The following FAM91A1 variants were observed in gnomAD, a reference collection of about 807,000 sequenced individuals.
The protein encoded by FAM91A1 is family with sequence similarity 91 member A1.
A neutral mutation model predicts 113.5 loss-of-function variants in FAM91A1; 41 were observed. The observed-to-expected ratio is 0.36, with a 90% CI of 0.28 to 0.47. The LOEUF is 0.47. Ranked by LOEUF, FAM91A1 falls within the 20% of genes least tolerant of loss-of-function variation. The pLI is 1.00. For synonymous variants in FAM91A1, 307 were observed against 347.9 expected, an observed-to-expected ratio of 0.88 and a Z score of 1.31; for missense variants, 696 against 1,001.2, an observed-to-expected ratio of 0.70 and a Z score of 4.11.
intron 12 of FAM91A1, among the ~76,000 whole-genome samples, chr8:123,786,931 G>A (rs772593146): frequency 1.3e-5 from 2 of 152,146 alleles, no homozygotes; most frequent in Non-Finnish European, 2.9e-5. Flanking sequence ...GGTTTGGGAA[G>A]CCTTCACAGA....
At chr8:123,809,321 A>T in intron 22 of FAM91A1, among the ~76,000 whole-genome samples, 1 of 152,304 alleles carries the variant, frequency 6.6e-6, no homozygotes, top group Non-Finnish European at 1.5e-5. Flanking sequence ...CCTAGATTTT[A>T]AAAAATGTAT....
At chr8:123,810,252 T>A in intron 22 of FAM91A1, 30 bp from the exon 23 acceptor site, 1 of 1,587,264 alleles carries the variant, frequency 6.3e-7, no homozygotes, top group South Asian at 1.2e-5. Flanking sequence ...ATGTTTGTTT[T>A]AAACTGTTTC....
At chr8:123,777,377 C>T in intron 4 of FAM91A1, 55 bp downstream of exon 4, 1 of 1,468,698 alleles carries the variant, frequency 6.8e-7, no homozygotes, top group Non-Finnish European at 9.4e-7. Flanking sequence ...CTTTGTGCAT[C>T]CTGTCATCTG....
intron 5 of FAM91A1, among the ~76,000 whole-genome samples, chr8:123,778,393 A>G (rs1815038669): frequency 6.6e-6 from 1 of 152,152 alleles, no homozygotes. Flanking sequence ...TTTCAAATGC[A>G]TTTTTCACTG....
At chr8:123,774,828 C>G (rs893076248) in intron 2 of FAM91A1, among the ~76,000 whole-genome samples, 1 of 152,134 alleles carries the variant, frequency 6.6e-6, no homozygotes, top group Non-Finnish European at 1.5e-5. Flanking sequence ...CAGTTTGGCT[C>G]TCTTGTAAGG....
At position 123,780,070 on chromosome 8, in the gene FAM91A1, T is replaced by C. The variant is rs748549871; in HGVS notation, c.635T>C (p.Val212Ala). ...TCTGGATCACTAGATTACAATGTAG[T>C]ACATAGTAAGTGGTTAGTAGAAATG... ...QLSGSLDYNV[V>A]HSLYNKGFIY... Residue 212 changes from valine (V) to alanine (A), a missense_variant, in exon 7 of 24, where the codon GTA (valine) becomes GCA (alanine). Val to Ala is a moderately conservative substitution (Grantham distance 64). Transcript: ENST00000334705. The C allele has an allele frequency of 1.2e-6, 2 of 1,611,918 alleles. No homozygotes were observed. The highest frequency in any genetic ancestry group is 1.7e-6 in the Non-Finnish European group (2 of 1,178,844).
At chr8:123,805,363 G>A in intron 19 of FAM91A1, 24 bp downstream of exon 19, 2 of 1,505,264 alleles carry the variant, frequency 1.3e-6, no homozygotes, top group Non-Finnish European at 9.0e-7. Context: ...TGTATCTATT[G>A]ACTTTTTTTT....
chr8:123,796,816 C>T (rs1037963893), intron 15 of FAM91A1, among the ~76,000 whole-genome samples: 12 of 150,320 alleles, frequency 8.0e-5, no homozygotes, highest in East Asian at 6.1e-4. Flanking sequence ...GTAATCCCAA[C>T]GCTTTGGGAG....
chr8:123,775,027 T>G (rs1814947024), intron 2 of FAM91A1, 120 bp from the exon 3 acceptor site: 10 of 958,188 alleles, frequency 1.0e-5, no homozygotes, highest in Non-Finnish European at 1.5e-5. Flanking sequence ...ATATTTTATT[T>G]GTTCTCTTGT....
intron 15 of FAM91A1, among the ~76,000 whole-genome samples, chr8:123,796,375 C>T (rs1815520424): frequency 6.6e-6 from 1 of 151,950 alleles, no homozygotes; most frequent in Admixed American, 6.5e-5. Flanking sequence ...AGATGTTGTA[C>T]CTGACTTCAC....
chr8:123,797,279 A>G (rs1456613507), intron 15 of FAM91A1, among the ~76,000 whole-genome samples: 1 of 152,174 alleles, frequency 6.6e-6, no homozygotes, highest in Non-Finnish European at 1.5e-5. Flanking sequence ...TGATACAGAC[A>G]CTGCAGCTAA....
intron 20 of FAM91A1, among the ~76,000 whole-genome samples, chr8:123,808,012 T>A (rs1052793384): frequency 9.2e-5 from 14 of 152,198 alleles, no homozygotes; most frequent in Non-Finnish European, 1.9e-4. Flanking sequence ...GCTGGCTAAT[T>A]CTTTTCTGTG....
In FAM91A1 at chr8:123,780,463, T is replaced by C; in HGVS notation, c.641-17T>C. On this transcript the variant is annotated splice_polypyrimidine_tract_variant and intron_variant, in intron 7 of 23. Coordinates refer to ENST00000334705, the MANE Select transcript of FAM91A1 (RefSeq NM_144963.4). Reference sequence around the variant, plus strand: ...GTGTAGTGTTCCATCTAAAACAAGGTACTTTTGTTTCTTCAGGTTTGTATA... The same window carrying C: ...GTGTAGTGTTCCATCTAAAACAAGGCACTTTTGTTTCTTCAGGTTTGTATA... 6.3e-7 allele frequency: 1 copy of C among 1,589,300 alleles called. No individual in the cohort carries two copies. Among genetic ancestry groups the C allele is most frequent in the Non-Finnish European group, 8.6e-7 (1 of 1,161,184 alleles).
intron 14 of FAM91A1, among the ~76,000 whole-genome samples, chr8:123,788,563 C>G (rs1815311809): frequency 6.6e-6 from 1 of 151,756 alleles, no homozygotes; most frequent in South Asian, 2.1e-4. Context: ...TGAGATAATC[C>G]TTTGCTATTA....
chr8:123,798,000 T>A, intron 15 of FAM91A1, 90 bp from the exon 16 acceptor site: 1 of 1,413,302 alleles, frequency 7.1e-7, no homozygotes, highest in Non-Finnish European at 9.5e-7. Flanking sequence ...AAATTTAAAA[T>A]CTTAAGTCAG....
intron 1 of FAM91A1, 90 bp downstream of exon 1, chr8:123,768,864 G>T (rs1814771956): frequency 7.6e-7 from 1 of 1,317,638 alleles, no homozygotes; most frequent in Admixed American, 2.0e-5. Context: ...CGAGCGGGCT[G>T]CTGCCGGCTG....
chr8:123,790,649 C>T (rs1224233746), intron 15 of FAM91A1, among the ~76,000 whole-genome samples: 1 of 152,162 alleles, frequency 6.6e-6, no homozygotes, highest in African/African-American at 2.4e-5. Flanking sequence ...GCTTTCTTTT[C>T]AGCTCAATTT....
At chr8:123,777,360 G>A in intron 4 of FAM91A1, 38 bp downstream of exon 4, 1 of 1,574,630 alleles carries the variant, frequency 6.4e-7, no homozygotes, top group Non-Finnish European at 8.7e-7. Flanking sequence ...TAATGTTTAG[G>A]TTGTGTCTTT....
intron 18 of FAM91A1, among the ~76,000 whole-genome samples, chr8:123,802,305 C>A (rs1482588357): frequency 6.6e-6 from 1 of 152,094 alleles, no homozygotes; most frequent in Non-Finnish European, 1.5e-5. Flanking sequence ...TACAAATATA[C>A]AATTAATAGA....
Sources: gnomAD v4.1 joint callset for allele counts (sites outside exome capture counted in the v4.1 genomes callset) on GRCh38, gnomAD v4.1.1 for gene constraint, MANE v1.5 for transcripts, NCBI Gene and HGNC (gene_info 2026-07-23, HGNC 2026-07-21) for gene names.